The following FBXO7 variants were observed in gnomAD, a reference collection of about 807,000 sequenced individuals.
FBXO7 encodes the protein F-box only protein 7.
FBXO7 carries 31 observed loss-of-function variants against 50.2 expected under a neutral mutation model. The ratio of observed to expected loss-of-function variants is 0.62; its 90% CI spans 0.46 to 0.83. FBXO7 has a LOEUF of 0.83. Ranked by LOEUF, FBXO7 falls within the 40% of genes least tolerant of loss-of-function variation. The pLI is 0.00. For synonymous variants in FBXO7, 256 were observed against 253.1 expected (o/e 1.01, Z -0.11); for missense variants, 667 against 646.6 (o/e 1.03, Z -0.34).
At chr22:32,492,993 C>A in intron 6 of FBXO7, 112 bp from the exon 7 acceptor site, 1 of 1,024,802 alleles carries the variant, frequency 9.8e-7, no homozygotes, top group Non-Finnish European at 1.5e-6. Flanking sequence ...AGAGTACCAT[C>A]TAATTTTCTG....
intron 2 of FBXO7, among the ~76,000 whole-genome samples, chr22:32,481,012 A>AT (rs1027368744): frequency 4.6e-5 from 7 of 152,136 alleles, no homozygotes; most frequent in Non-Finnish European, 8.8e-5. Context: ...GATCACCTTT[A>AT]TTTTTTTAAT....
intron 1 of FBXO7, 61 bp from the exon 2 acceptor site, chr22:32,478,920 G>T: frequency 1.4e-6 from 2 of 1,421,418 alleles, no homozygotes; most frequent in East Asian, 2.3e-5. Context: ...TGCTTCAGAT[G>T]TGCTATTGAA....
intron 2 of FBXO7, among the ~76,000 whole-genome samples, chr22:32,480,299 C>T (rs1451033114): frequency 6.6e-6 from 1 of 152,140 alleles, no homozygotes; most frequent in Non-Finnish European, 1.5e-5. Context: ...TGGTGTCTGT[C>T]CTCCTGTACC....
chr22:32,489,439 A>G (rs991649773), intron 5 of FBXO7: 2 of 152,238 alleles, frequency 1.3e-5, no homozygotes, highest in Admixed American at 1.3e-4. Flanking sequence ...ATCACCGTAT[A>G]GGGAGGACCT....
At position 32,485,050 on chromosome 22, in the gene FBXO7, T is replaced by C; in HGVS notation, c.646-18T>C. Reference sequence around the variant, plus strand: ...CACCTTTCTTCATTATTTGTTTCCCTTTCATTTCGTTCCCCAGGGCACCGA... The same window carrying C: ...CACCTTTCTTCATTATTTGTTTCCCCTTCATTTCGTTCCCCAGGGCACCGA... On this transcript the variant is annotated intron_variant, in intron 3 of 8. Transcript: ENST00000266087. 1 of 1,614,092 alleles carries C rather than the reference T, an allele frequency of 6.2e-7. No homozygotes were observed. Among genetic ancestry groups the C allele is most frequent in the South Asian group, 1.1e-5 (1 of 91,086 alleles).
chr22:32,487,589 C>A, intron 4 of FBXO7, 156 bp from the exon 5 acceptor site: 1 of 603,698 alleles, frequency 1.7e-6, no homozygotes, highest in Non-Finnish European at 3.0e-6. Flanking sequence ...CACTTTTGAA[C>A]TTGCTATCAG....
At chr22:32,494,904 T>C (rs1441633581) in intron 7 of FBXO7, among the ~76,000 whole-genome samples, 2 of 152,206 alleles carry the variant, frequency 1.3e-5, no homozygotes, top group Non-Finnish European at 2.9e-5. Context: ...ATACTTAAAG[T>C]TGAATGGGTT....
At chr22:32,483,667 A>G (rs138468760) in intron 2 of FBXO7, among the ~76,000 whole-genome samples, 1 of 152,178 alleles carries the variant, frequency 6.6e-6, no homozygotes, top group South Asian at 2.1e-4. Context: ...GGAGTCTAGG[A>G]TGATTTCCAG....
At position 32,479,258 on chromosome 22, in the gene FBXO7, T is replaced by G. The variant is rs770619083; in HGVS notation, c.400T>G (p.Trp134Gly). 2.5e-6 allele frequency: 4 copies of G among 1,614,184 alleles called. No individual in the cohort carries two copies. In the East Asian group the frequency reaches 6.7e-5, roughly 27 times the overall value. Residue 134 changes from tryptophan (W) to glycine (G), a missense_variant, in exon 2 of 9, where the codon TGG becomes GGG. Trp to Gly is a radical substitution (Grantham distance 184, BLOSUM62 -2). Transcript: ENST00000266087. ...AGGACAGGCAGCCCAGTCTGGTGTT[T>G]GGAATGACGACAGTATGGTGGGTAT... ...FQGQAAQSGV[W>G]NDDSMLGPSQ...
At chr22:32,497,351 C>T (rs942403955) in intron 8 of FBXO7, among the ~76,000 whole-genome samples, 25 of 152,246 alleles carry the variant, frequency 1.6e-4, no homozygotes, top group Non-Finnish European at 2.9e-4. Flanking sequence ...TTATGTCATT[C>T]TTATGCCTTT....
At chr22:32,491,357 A>T in intron 6 of FBXO7, 176 bp downstream of exon 6, 2 of 566,782 alleles carry the variant, frequency 3.5e-6, no homozygotes, top group South Asian at 4.2e-5. Flanking sequence ...TTGTATCTCC[A>T]TGCCATTTTG....
intron 1 of FBXO7, chr22:32,475,648 A>T: frequency 2.0e-6 from 1 of 508,544 alleles, no homozygotes; most frequent in Non-Finnish European, 3.4e-6. Context: ...GCTGCTGTGA[A>T]GCGGCAACAA....
intron 1 of FBXO7, chr22:32,475,371 C>T (rs757960681): frequency 4.3e-5 from 70 of 1,610,312 alleles, no homozygotes; most frequent in Non-Finnish European, 5.8e-5. Flanking sequence ...CATGGCCCGG[C>T]CTCCCGGGGG....
rs1018347290 is a variant in FBXO7 at position 32,498,672 on chromosome 22, C to A, written c.*142C>A. On this transcript the variant is annotated 3_prime_UTR_variant, in exon 9 of 9. Coordinates refer to ENST00000266087, the MANE Select transcript of FBXO7 (RefSeq NM_012179.4). ...ACTCCCAGAAACCTTTTAAGAGATA[C>A]ATTTATAGCCCTAGGGGTGGTATGA... The A allele has an allele frequency of 9.9e-7, 1 of 1,006,300 alleles. No individual in the cohort carries two copies. The highest frequency in any genetic ancestry group is 1.5e-6 in the Non-Finnish European group (1 of 674,100). The allele number at this position is 1,006,300 out of a possible 1,614,324, so 62.3% of individuals were successfully genotyped here.
chr22:32,495,394 G>A (rs1971209830), intron 7 of FBXO7, 99 bp from the exon 8 acceptor site: 2 of 711,048 alleles, frequency 2.8e-6, no homozygotes, highest in Middle Eastern at 2.4e-4. Flanking sequence ...ATGCTTAACG[G>A]GTAAGTTTCA....
Position 32,483,911 on chromosome 22 carries a change from A to G in FBXO7, c.432A>G (p.Gln144=). ...WNDDSMLGPS[Q]NFEAESIQDN... ...TCCTTTTTCAGTTAGGGCCTAGTCA[A>G]AATTTTGAAGCTGAGTCAATTCAAG... The change falls in exon 3 of 9, where the codon CAA becomes CAG. Residue 144 remains glutamine, a synonymous_variant. Transcript: ENST00000266087. 1 of 1,614,172 alleles carries G rather than the reference A, an allele frequency of 6.2e-7. No individual in the cohort carries two copies. The highest frequency in any genetic ancestry group is 1.7e-5 in the Admixed American group (1 of 60,012).
At position 32,484,057 on chromosome 22, in the gene FBXO7, C is replaced by A. The variant is rs763963522; in HGVS notation, c.578C>A (p.Ser193Tyr). Reference sequence around the variant, plus strand: ...ACCTTGTATCAATCAGCTGACTGTTCTGATGCCAATGATGCCTTGATAGTG... The same window carrying A: ...ACCTTGTATCAATCAGCTGACTGTTATGATGCCAATGATGCCTTGATAGTG... ...LETLYQSADC[S>Y]DANDALIVLI... The change falls in exon 3 of 9, where the codon TCT becomes TAT. Residue 193 changes from serine to tyrosine, a missense_variant. Coordinates refer to ENST00000266087, the MANE Select transcript of FBXO7 (RefSeq NM_012179.4). 74 of 1,614,068 alleles carry A rather than the reference C, an allele frequency of 4.6e-5. No homozygotes were observed. The highest frequency in any genetic ancestry group is 5.7e-5 in the Non-Finnish European group (67 of 1,180,034).
chr22:32,493,330 A>T, intron 7 of FBXO7, 49 bp downstream of exon 7: 1 of 1,525,666 alleles, frequency 6.6e-7, no homozygotes, highest in Non-Finnish European at 9.1e-7. Flanking sequence ...TATTGTCTTG[A>T]TTACTCAGCT....
chr22:32,483,777 C>T, intron 2 of FBXO7, 120 bp from the exon 3 acceptor site: 1 of 848,834 alleles, frequency 1.2e-6, no homozygotes, highest in Non-Finnish European at 1.9e-6. Flanking sequence ...TAAAATGTCT[C>T]CCATTTCTGA....
Sources: allele counts gnomAD v4.1 joint callset (sites outside exome capture counted in the v4.1 genomes callset), GRCh38; gene constraint gnomAD v4.1.1; transcripts MANE v1.5; gene names NCBI Gene and HGNC (gene_info 2026-07-23, HGNC 2026-07-21).